Variants in MSH3 observed in about 807,000 individuals in gnomAD.
MSH3 encodes the protein DNA mismatch repair protein Msh3.
MSH3 carries 106 observed loss-of-function variants against 123.3 expected under a neutral mutation model. The observed-to-expected ratio is 0.86, with a 90% CI of 0.73 to 1.01. The LOEUF (loss-of-function observed/expected upper bound fraction) is 1.01. Among genes scored for constraint, MSH3 ranks in the 50% least tolerant of loss-of-function variants. The pLI is 0.00. For synonymous variants in MSH3, 515 were observed against 481.4 expected (o/e 1.07, Z -0.91); for missense variants, 1,459 against 1,347.6 (o/e 1.08, Z -1.29).
rs570426200 is a variant in MSH3 at position 80,829,958 on chromosome 5, G to C, written c.2813+16217G>C. Among the ~76,000 whole-genome samples, 19 of 152,192 alleles carry C rather than the reference G, an allele frequency of 1.2e-4. No homozygotes were observed. In the South Asian group the frequency reaches 3.7e-3, roughly 30 times the overall value. On this transcript the variant is annotated intron_variant, in intron 20 of 23. Transcript: ENST00000265081. Reference sequence around the variant, plus strand: ...GTCCCTGTCTTTTTGTGGGAGTTTTGACAGATTGTATCTTTCAAGGAATCA... The same window carrying C: ...GTCCCTGTCTTTTTGTGGGAGTTTTCACAGATTGTATCTTTCAAGGAATCA...
rs969779948 is a variant in MSH3 at position 80,665,484 on chromosome 5, C to T, written c.579+121C>T. 1.2e-4 allele frequency: 93 copies of T among 746,376 alleles called. No individual in the cohort carries two copies. The African/African-American group carries it at 1.5e-3, about 12-fold the overall frequency. The allele number at this position is 746,376 out of a possible 1,614,324, so 46.2% of individuals were successfully genotyped here. A position where few individuals can be genotyped will look rare whatever the true frequency, so the allele number is the denominator to read the frequency against. On this transcript the variant is annotated intron_variant, in intron 3 of 23. Transcript: ENST00000265081. ...AAACTTGGATGGTCTTCTGAATCAT[C>T]TGAGGGAGCTTTTGTGTTTTAGTTT...
chr5:80,735,778 A>C (rs1743495047), intron 10 of MSH3, among the ~76,000 whole-genome samples: 1 of 152,220 alleles, frequency 6.6e-6, no homozygotes, highest in Admixed American at 6.5e-5. Context: ...CTAAAACTTC[A>C]GGAAAATTAA....
intron 12 of MSH3, among the ~76,000 whole-genome samples, chr5:80,760,779 C>T (rs1039224501): frequency 2.0e-5 from 3 of 152,184 alleles, no homozygotes; most frequent in African/African-American, 7.2e-5. Context: ...CCATGAGGCT[C>T]ACAAGCTTGC....
At chr5:80,660,435 C>T (rs549645787) in intron 2 of MSH3, among the ~76,000 whole-genome samples, 3 of 152,160 alleles carry the variant, frequency 2.0e-5, no homozygotes, top group Non-Finnish European at 4.4e-5. Context: ...CACTGGGTCC[C>T]TACCACAACA....
chr5:80,864,844 A>T lies in MSH3; in HGVS notation c.3032A>T (p.Tyr1011Phe), dbSNP rs1200660969. 6.2e-7 allele frequency: 1 copy of T among 1,612,848 alleles called. No homozygotes were observed. Among genetic ancestry groups the T allele is most frequent in the African/African-American group, 1.3e-5 (1 of 74,918 alleles). The change falls in exon 22 of 24, where the codon TAT becomes TTT. Residue 1011 changes from tyrosine (Y) to phenylalanine (F), a missense_variant. Physicochemically the swap from Tyr to Phe is conservative, Grantham distance 22. Coordinates refer to ENST00000265081, the MANE Select transcript of MSH3 (RefSeq NM_002439.5). The part of the protein sequence containing the change: ...VKSLTLFVTH[Y>F]PPVCELEKNY... ...TCCTTAACCCTGTTTGTCACCCATT[A>T]TCCGCCAGTTTGTGAACTAGAAAAA...
At chr5:80,808,349 G>A (rs567085103) in intron 19 of MSH3, among the ~76,000 whole-genome samples, 1 of 152,116 alleles carries the variant, frequency 6.6e-6, no homozygotes, top group East Asian at 1.9e-4. Context: ...TTCTATCTGG[G>A]ACCTCCAGGA....
At position 80,875,113 on chromosome 5, in the gene MSH3, T is replaced by G. The variant is rs571954751; in HGVS notation, c.3303-638T>G. The stretch of plus-strand genomic sequence containing the variant: ...GCAGCAGCCTACACACTGTGCCAGC[T>G]ACTCTTCTCATCACTTTACATACAT... On this transcript the variant is annotated intron_variant, in intron 23 of 23. Coordinates refer to ENST00000265081, the MANE Select transcript of MSH3 (RefSeq NM_002439.5). Among the ~76,000 whole-genome samples the G allele has an allele frequency of 4.6e-5, 7 of 152,326 alleles. No homozygotes were observed. The South Asian group carries it at 1.4e-3, about 32-fold the overall frequency.
chr5:80,802,699 G>C (rs891571642), intron 19 of MSH3, among the ~76,000 whole-genome samples: 5 of 151,748 alleles, frequency 3.3e-5, no homozygotes, highest in African/African-American at 1.2e-4. Flanking sequence ...TTGTACCCAA[G>C]GACCATTCAC....
intron 10 of MSH3, among the ~76,000 whole-genome samples, chr5:80,736,480 A>T (rs1743510026): frequency 6.6e-6 from 1 of 152,186 alleles, no homozygotes; most frequent in Non-Finnish European, 1.5e-5. Flanking sequence ...GATGTGCAAA[A>T]AATTAACATA....
chr5:80,698,128 C>T (rs1166650532), intron 8 of MSH3, among the ~76,000 whole-genome samples: 2 of 152,054 alleles, frequency 1.3e-5, no homozygotes, highest in Non-Finnish European at 2.9e-5. Flanking sequence ...TTTTAAACTC[C>T]TGGGCTCAAG....
intron 8 of MSH3, among the ~76,000 whole-genome samples, chr5:80,721,520 T>G (rs943347451): frequency 7.0e-6 from 1 of 143,018 alleles, no homozygotes; most frequent in Admixed American, 6.9e-5. Context: ...TTGTGTTGTT[T>G]CTGTTTTCCG....
At chr5:80,727,373 T>G (rs982946382) in intron 9 of MSH3, among the ~76,000 whole-genome samples, 5 of 152,238 alleles carry the variant, frequency 3.3e-5, no homozygotes, top group South Asian at 4.1e-4. Context: ...ATTAATAAGA[T>G]ATTTTACTGA....
intron 8 of MSH3, among the ~76,000 whole-genome samples, chr5:80,695,738 A>G (rs909062692): frequency 5.9e-5 from 9 of 152,198 alleles, no homozygotes; most frequent in African/African-American, 2.2e-4. Flanking sequence ...CTGTTAAAAC[A>G]TTTAGCATGG....
chr5:80,728,773 T>C, intron 9 of MSH3, 78 bp from the exon 10 acceptor site: 1 of 771,270 alleles, frequency 1.3e-6, no homozygotes, highest in Non-Finnish European at 2.2e-6. Context: ...AACAAGTTAA[T>C]GGTTCTGTTT....
chr5:80,762,266 T>C (rs1744048069), intron 13 of MSH3, among the ~76,000 whole-genome samples: 1 of 152,068 alleles, frequency 6.6e-6, no homozygotes, highest in African/African-American at 2.4e-5. Context: ...ATTATTAATA[T>C]TTTTAAATGA....
chr5:80,762,635 T>C (rs1183963211), intron 13 of MSH3, among the ~76,000 whole-genome samples: 6 of 151,814 alleles, frequency 4.0e-5, no homozygotes, highest in African/African-American at 1.4e-4. Flanking sequence ...TTTTTTCTGG[T>C]TGCCACTTTT....
In MSH3 at chr5:80,768,929, C is replaced by T. The variant is rs376667075; in HGVS notation, c.2179C>T (p.Arg727Ter). ...DEIQGVIDEI[R>*]MHLQEIRKIL... ...AATTCAAGGTGTTATTGACGAGATC[C>T]GAATGCATTTGCAAGAAATACGAAA... The change falls in exon 15 of 24, where the codon CGA becomes TGA. Residue 727 changes from arginine to a stop codon, truncating the protein, a stop_gained. Coordinates refer to ENST00000265081, the MANE Select transcript of MSH3 (RefSeq NM_002439.5). LOFTEE classifies it high-confidence loss of function. 1.1e-5 allele frequency: 17 copies of T among 1,612,548 alleles called. No individual in the cohort carries two copies. The highest frequency in any genetic ancestry group is 2.7e-5 in the African/African-American group (2 of 74,802).
chr5:80,693,581 G>GTATGTGTT (rs1308077137), intron 8 of MSH3, among the ~76,000 whole-genome samples: 20 of 129,224 alleles, frequency 1.5e-4, no homozygotes, highest in East Asian at 4.8e-4. Context: ...ATATGCACAT[G>GTATGTGTT]TATATAAATA....
rs1168176656 is a variant in MSH3, at chr5:80,654,790, A to G, written c.63A>G (p.Gln21=). 6.2e-7 allele frequency: 1 copy of G among 1,606,604 alleles called. No homozygotes were observed. The highest frequency in any genetic ancestry group is 2.3e-5 in the East Asian group (1 of 43,580). Residue 21 remains glutamine, a synonymous_variant, in exon 1 of 24, where the codon CAA becomes CAG. Transcript: ENST00000265081. ...LAASSSAPAR[Q]AVLSRFFQST... ...CCTCCAGCTCAGCCCCTGCGAGGCA[A>G]GCGGTTTTGAGCCGATTCTTCCAGT...
Sources: gnomAD v4.1 joint callset for allele counts (sites outside exome capture counted in the v4.1 genomes callset) on GRCh38, gnomAD v4.1.1 for gene constraint, MANE v1.5 for transcripts, NCBI Gene and HGNC (gene_info 2026-07-23, HGNC 2026-07-21) for gene names.